SGCZ: variants seen among roughly 807,000 people sequenced by gnomAD.
SGCZ encodes sarcoglycan zeta, also known as zeta-sarcoglycan.
A neutral mutation model predicts 41.3 loss-of-function variants in SGCZ; 40 were observed. The observed-to-expected ratio is 0.97, with a 90% confidence interval of 0.75 to 1.26. The LOEUF (loss-of-function observed/expected upper bound fraction) is 1.26. Ranked by LOEUF, SGCZ falls within the 50% of genes most tolerant of loss-of-function variation. The pLI, the probability that SGCZ is intolerant of heterozygous loss-of-function variation, is 0.00. For missense variants in SGCZ, 552 were observed against 369.8 expected (o/e 1.49, Z -4.04); for synonymous variants, 206 against 137.5 (o/e 1.50, Z -3.49).
chr8:14,804,121 G>C (rs1801442224), intron 1 of SGCZ, among the ~76,000 whole-genome samples: 1 of 86,838 alleles, frequency 1.2e-5, no homozygotes, highest in Non-Finnish European at 2.1e-5. Flanking sequence ...AAACCACAAA[G>C]ATGGGGAAAA....
chr8:14,511,945 A>G (rs1019375161), intron 2 of SGCZ, among the ~76,000 whole-genome samples: 1 of 152,170 alleles, frequency 6.6e-6, no homozygotes, highest in Non-Finnish European at 1.5e-5. Context: ...TAGATTTTAT[A>G]TAATAAAGGT....
chr8:14,151,251 A>G (rs1803699761), intron 5 of SGCZ, among the ~76,000 whole-genome samples: 1 of 152,136 alleles, frequency 6.6e-6, no homozygotes, highest in African/African-American at 2.4e-5. Context: ...ATTATTTCAC[A>G]TTGCATTCTT....
chr8:14,609,294 G>T (rs559569318), intron 1 of SGCZ, among the ~76,000 whole-genome samples: 1 of 151,836 alleles, frequency 6.6e-6, no homozygotes, highest in South Asian at 2.1e-4. Context: ...ATTATATAAC[G>T]TCAATGCTGG....
At chr8:15,167,314 C>T (rs1037371111) in intron 1 of SGCZ, among the ~76,000 whole-genome samples, 9 of 152,168 alleles carry the variant, frequency 5.9e-5, no homozygotes, top group African/African-American at 1.9e-4. Flanking sequence ...CTTGCAGAGC[C>T]GAGAAAAGCC....
At chr8:14,835,659 A>G (rs1016988152) in intron 1 of SGCZ, among the ~76,000 whole-genome samples, 13 of 152,154 alleles carry the variant, frequency 8.5e-5, no homozygotes, top group Non-Finnish European at 1.2e-4. Flanking sequence ...TCCACCATTT[A>G]TCATTACTTA....
chr8:14,383,265 G>A (rs1473389508), intron 2 of SGCZ, among the ~76,000 whole-genome samples: 1 of 152,200 alleles, frequency 6.6e-6, no homozygotes, highest in East Asian at 1.9e-4. Flanking sequence ...ACAAAGCTCT[G>A]ATTTTGAAGA....
chr8:14,961,417 T>G (rs906654077), intron 1 of SGCZ, among the ~76,000 whole-genome samples: 1 of 152,136 alleles, frequency 6.6e-6, no homozygotes, highest in African/African-American at 2.4e-5. Context: ...TAGATTCTCA[T>G]GGTCCATGGT....
chr8:14,758,538 C>T lies in SGCZ; in HGVS notation c.40-203612G>A, dbSNP rs577693415. Among the ~76,000 whole-genome samples, 14 of 152,156 alleles carry T rather than the reference C, an allele frequency of 9.2e-5. No individual in the cohort carries two copies. The South Asian group carries it at 2.7e-3, about 29-fold the overall frequency. ...ATCATTCCTGAGAAATCTGGGACAC[C>T]GATCAAAGTGTGAAATTCTATATTA... On this transcript the variant is annotated intron_variant, in intron 1 of 7. Transcript: ENST00000382080.
At chr8:14,302,588 C>T (rs1339737992) in intron 3 of SGCZ, among the ~76,000 whole-genome samples, 2 of 152,106 alleles carry the variant, frequency 1.3e-5, no homozygotes, top group Admixed American at 1.3e-4. Flanking sequence ...TTGACTCTGT[C>T]CCCATGTGGC....
intron 1 of SGCZ, among the ~76,000 whole-genome samples, chr8:15,024,289 C>T (rs1323962185): frequency 1.3e-5 from 2 of 152,072 alleles, no homozygotes; most frequent in South Asian, 4.2e-4. Context: ...AAAATCGACA[C>T]TTTCTTTGGT....
chr8:14,209,462 T>G (rs1805725895), intron 4 of SGCZ, among the ~76,000 whole-genome samples: 1 of 152,164 alleles, frequency 6.6e-6, no homozygotes, highest in Non-Finnish European at 1.5e-5. Flanking sequence ...CAATGCTGCT[T>G]CGCTTATGAT....
At chr8:14,447,101 T>C (rs1014246878) in intron 2 of SGCZ, among the ~76,000 whole-genome samples, 1 of 152,198 alleles carries the variant, frequency 6.6e-6, no homozygotes, top group Non-Finnish European at 1.5e-5. Flanking sequence ...GAATTTTCTT[T>C]AGTCAATTAA....
At chr8:14,893,760 A>C (rs1049191857) in intron 1 of SGCZ, among the ~76,000 whole-genome samples, 37 of 152,222 alleles carry the variant, frequency 2.4e-4, no homozygotes, top group African/African-American at 8.4e-4. Flanking sequence ...AGAGACTCTT[A>C]AACAACATGT....
chr8:15,172,334 G>C (rs1219985286), intron 1 of SGCZ, among the ~76,000 whole-genome samples: 1 of 150,572 alleles, frequency 6.6e-6, no homozygotes, highest in Non-Finnish European at 1.5e-5. Flanking sequence ...GCTAATTTTT[G>C]TATTTTTAGT....
chr8:14,132,624 T>G (rs889965277), intron 5 of SGCZ, among the ~76,000 whole-genome samples: 2 of 152,206 alleles, frequency 1.3e-5, no homozygotes, highest in Non-Finnish European at 2.9e-5. Context: ...TGAACATATT[T>G]TAAATCGCTA....
intron 2 of SGCZ, among the ~76,000 whole-genome samples, chr8:14,393,542 A>G (rs1804862919): frequency 2.6e-5 from 4 of 152,162 alleles, no homozygotes; most frequent in Admixed American, 2.0e-4. Flanking sequence ...TGTGAGCCCT[A>G]TGTAAATCAG....
intron 4 of SGCZ, among the ~76,000 whole-genome samples, chr8:14,194,066 C>T (rs187263816): frequency 6.6e-6 from 1 of 151,614 alleles, no homozygotes; most frequent in African/African-American, 2.4e-5. Flanking sequence ...ATATATTTCT[C>T]ATGGAAATAA....
At chr8:15,072,948 A>G (rs7822541) in intron 1 of SGCZ, among the ~76,000 whole-genome samples, 151,925 of 152,266 alleles carry the variant, frequency 1, 75,793 homozygotes, top group East Asian at 1. Flanking sequence ...ACAGAGATGC[A>G]GCTTGTCTCA....
intron 4 of SGCZ, among the ~76,000 whole-genome samples, chr8:14,168,552 C>T (rs930594475): frequency 1.3e-5 from 2 of 152,084 alleles, no homozygotes; most frequent in Admixed American, 1.3e-4. Context: ...CTTATCTTCC[C>T]GGCTGCCACG....
Sources: allele counts gnomAD v4.1 joint callset (sites outside exome capture counted in the v4.1 genomes callset), GRCh38; gene constraint gnomAD v4.1.1; transcripts MANE v1.5; gene names NCBI Gene and HGNC (gene_info 2026-07-23, HGNC 2026-07-21).